Variants in EDEM2 observed in about 807,000 individuals in gnomAD.
EDEM2 encodes ER degradation-enhancing alpha-mannosidase-like protein 2.
EDEM2 carries 39 observed loss-of-function variants against 64.8 expected under a neutral mutation model. That is an observed-to-expected ratio of 0.60 (90% CI 0.47 to 0.79). EDEM2 has a LOEUF of 0.79. EDEM2 is among the 30% of genes least tolerant of loss of function. The pLI is 0.00. For missense variants in EDEM2, 609 were observed against 731.3 expected, an observed-to-expected ratio of 0.83 and a Z score of 1.93; for synonymous variants, 296 against 291.5, an observed-to-expected ratio of 1.02 and a Z score of -0.16.
intron 4 of EDEM2, among the ~76,000 whole-genome samples, chr20:35,138,580 C>CTT (rs1199947248): frequency 5.0e-5 from 7 of 140,778 alleles, no homozygotes; most frequent in African/African-American, 7.8e-5. Context: ...ATATGTAGAA[C>CTT]TTTTTTTTTT....
chr20:35,144,983 A>G lies in EDEM2; in HGVS notation c.254T>C (p.Leu85Ser). ...AGAAACAGACGAGATACTTACCAGC[A>G]AGGTGTCCAGTGCATCAATTAGAGT... ...SLTLIDALDT[L>S]LILGNVSEFQ... Residue 85 changes from leucine to serine, a missense_variant, in exon 3 of 11, where the codon TTG (leucine) becomes TCG (serine). By Grantham distance (145) the Leu-to-Ser change is moderately radical. Transcript: ENST00000374492. The G allele has an allele frequency of 6.2e-7, 1 of 1,614,086 alleles. No homozygotes were observed. The highest frequency in any genetic ancestry group is 1.1e-5 in the South Asian group (1 of 91,074).
chr20:35,137,538 T>C (rs937993010), intron 5 of EDEM2, among the ~76,000 whole-genome samples: 4 of 152,134 alleles, frequency 2.6e-5, no homozygotes, highest in African/African-American at 9.7e-5. Flanking sequence ...CCTGGGCCCC[T>C]GTTACTCCAG....
chr20:35,141,119 C>CAAAAAAA (rs58702725), intron 4 of EDEM2, among the ~76,000 whole-genome samples: 3 of 29,378 alleles, frequency 1.0e-4, no homozygotes, highest in Non-Finnish European at 1.4e-4. Context: ...GACTCCGCCT[C>CAAAAAAA]AAAAAAAAAA....
At chr20:35,124,446 G>A (rs2085406255) in intron 8 of EDEM2, among the ~76,000 whole-genome samples, 1 of 152,092 alleles carries the variant, frequency 6.6e-6, no homozygotes, top group Non-Finnish European at 1.5e-5. Flanking sequence ...TGTCACCTAG[G>A]CTGGAGTGCA....
At chr20:35,142,108 A>G (rs1355525803) in intron 4 of EDEM2, among the ~76,000 whole-genome samples, 1 of 152,156 alleles carries the variant, frequency 6.6e-6, no homozygotes, top group Non-Finnish European at 1.5e-5. Flanking sequence ...GCCTAGTATC[A>G]AATACATATT....
rs1003301337 is a variant in EDEM2, at chr20:35,130,161, C to T, written c.844+1481G>A. The stretch of plus-strand genomic sequence containing the variant: ...ACGGTTCACTGCACCCTTGACCTCC[C>T]AGGGTCAAGCAATCCTTCACCTTGG... On this transcript the variant is annotated intron_variant, in intron 7 of 10. Transcript: ENST00000374492. Among the ~76,000 whole-genome samples the T allele has an allele frequency of 6.6e-5, 10 of 152,104 alleles. No homozygotes were observed. The East Asian group carries it at 7.7e-4, about 12-fold the overall frequency.
chr20:35,125,184 T>G (rs1385298022), intron 8 of EDEM2, among the ~76,000 whole-genome samples: 2 of 145,796 alleles, frequency 1.4e-5, no homozygotes, highest in African/African-American at 5.0e-5. Flanking sequence ...TTATTCTGGA[T>G]AGAAACCCGG....
chr20:35,136,930 C>T (rs2085584437), intron 5 of EDEM2, among the ~76,000 whole-genome samples: 1 of 152,106 alleles, frequency 6.6e-6, no homozygotes, highest in African/African-American at 2.4e-5. Context: ...GTTACTGCCC[C>T]ACTAGACAAA....
At chr20:35,128,255 C>T (rs1017101266) in intron 7 of EDEM2, among the ~76,000 whole-genome samples, 3 of 151,544 alleles carry the variant, frequency 2.0e-5, no homozygotes, top group Non-Finnish European at 4.4e-5. Context: ...TGGTGGCGGG[C>T]GCCTGTAATC....
At chr20:35,119,123 C>T (rs949843447) in intron 9 of EDEM2, among the ~76,000 whole-genome samples, 2 of 152,100 alleles carry the variant, frequency 1.3e-5, no homozygotes, top group African/African-American at 2.4e-5. Flanking sequence ...GACACCATGG[C>T]GAGCCATATA....
chr20:35,142,731 A>T (rs554212872), intron 3 of EDEM2, among the ~76,000 whole-genome samples: 2 of 152,312 alleles, frequency 1.3e-5, no homozygotes, highest in South Asian at 4.1e-4. Flanking sequence ...TGGACACAAT[A>T]TAAAGAACGC....
At chr20:35,116,635 A>G (rs1943634570) in intron 10 of EDEM2, among the ~76,000 whole-genome samples, 1 of 152,178 alleles carries the variant, frequency 6.6e-6, no homozygotes, top group Admixed American at 6.5e-5. Flanking sequence ...ACCTTGCTCT[A>G]TGACATGACA....
At chr20:35,127,967 C>G (rs2085456773) in intron 7 of EDEM2, among the ~76,000 whole-genome samples, 1 of 152,226 alleles carries the variant, frequency 6.6e-6, no homozygotes, top group South Asian at 2.1e-4. Flanking sequence ...AACACACCTA[C>G]TGTGCTGCCA....
At chr20:35,140,039 C>T (rs1165966086) in intron 4 of EDEM2, among the ~76,000 whole-genome samples, 1 of 152,134 alleles carries the variant, frequency 6.6e-6, no homozygotes, top group Admixed American at 6.5e-5. Flanking sequence ...AAAAATATCA[C>T]TCAAAGGCCA....
At chr20:35,131,492 G>C in intron 7 of EDEM2, 150 bp downstream of exon 7, 1 of 914,012 alleles carries the variant, frequency 1.1e-6, no homozygotes, top group Non-Finnish European at 1.6e-6. Flanking sequence ...CTTGAACCTG[G>C]GAGGCAGAGG....
intron 7 of EDEM2, among the ~76,000 whole-genome samples, chr20:35,126,651 A>G (rs1019421730): frequency 6.6e-6 from 1 of 152,068 alleles, no homozygotes; most frequent in Non-Finnish European, 1.5e-5. Context: ...GGTGGCTCAC[A>G]TCTATAATCC....
intron 8 of EDEM2, among the ~76,000 whole-genome samples, chr20:35,125,166 C>T (rs1208786149): frequency 6.7e-6 from 1 of 150,182 alleles, no homozygotes; most frequent in Non-Finnish European, 1.5e-5. Flanking sequence ...GACACAATGT[C>T]TACCTGGTTA....
intron 7 of EDEM2, among the ~76,000 whole-genome samples, chr20:35,127,714 C>A (rs2085453076): frequency 6.6e-6 from 1 of 152,208 alleles, no homozygotes; most frequent in Non-Finnish European, 1.5e-5. Flanking sequence ...GTAGTCCCCC[C>A]TTATGTGAGG....
At chr20:35,123,856 T>C in intron 9 of EDEM2, 34 bp downstream of exon 9, 1 of 1,609,226 alleles carries the variant, frequency 6.2e-7, no homozygotes, top group Non-Finnish European at 8.5e-7. Context: ...AACCAGAGCC[T>C]GTGGGCAGAT....
Sources: gnomAD v4.1 joint callset for allele counts (sites outside exome capture counted in the v4.1 genomes callset) on GRCh38, gnomAD v4.1.1 for gene constraint, MANE v1.5 for transcripts, NCBI Gene and HGNC (gene_info 2026-07-23, HGNC 2026-07-21) for gene names.